WHRN: variants seen among roughly 807,000 people sequenced by gnomAD.
WHRN encodes whirlin.
Under a neutral mutation model 68.3 loss-of-function variants are expected in WHRN, and 41 were observed. That is an observed-to-expected ratio of 0.60 (90% CI 0.47 to 0.78). The LOEUF (loss-of-function observed/expected upper bound fraction) is 0.78, where lower values mean the gene tolerates loss of function less well. Ranked by LOEUF, WHRN falls within the 30% of genes least tolerant of loss-of-function variation. WHRN has a pLI of 0.00. For missense variants in WHRN, 1,243 were observed against 1,244.7 expected (o/e 1.00, Z 0.02); for synonymous variants, 560 against 561.3 (o/e 1.00, Z 0.03).
intron 8 of WHRN, 131 bp from the exon 9 acceptor site, chr9:114,407,023 G>T: frequency 9.8e-7 from 1 of 1,015,874 alleles, no homozygotes; most frequent in Non-Finnish European, 1.5e-6. Flanking sequence ...TGGCCACACT[G>T]CTCTGAATAA....
chr9:114,496,166 C>T (rs1037256311), intron 1 of WHRN, among the ~76,000 whole-genome samples: 3 of 152,114 alleles, frequency 2.0e-5, no homozygotes, highest in Admixed American at 2.0e-4. Flanking sequence ...CCTGGGGAGG[C>T]CATCAGGGAA....
At chr9:114,406,169 A>G (rs1432049933) in intron 9 of WHRN, among the ~76,000 whole-genome samples, 186 bp downstream of exon 9, 1 of 152,066 alleles carries the variant, frequency 6.6e-6, no homozygotes, top group East Asian at 1.9e-4. Context: ...CAGCTTGTCC[A>G]CAGTCACACA....
intron 2 of WHRN, among the ~76,000 whole-genome samples, chr9:114,473,282 C>T (rs1014718292): frequency 6.6e-5 from 10 of 152,212 alleles, no homozygotes; most frequent in Admixed American, 2.6e-4. Context: ...ATCATTCCTC[C>T]GAGCAGATTC....
chr9:114,488,900 A>G (rs1842746872), intron 1 of WHRN, among the ~76,000 whole-genome samples: 1 of 152,086 alleles, frequency 6.6e-6, no homozygotes, highest in African/African-American at 2.4e-5. Flanking sequence ...GAATCCTTAT[A>G]AAACATACGT....
At chr9:114,460,788 A>C (rs1389701865) in intron 3 of WHRN, among the ~76,000 whole-genome samples, 1 of 152,258 alleles carries the variant, frequency 6.6e-6, no homozygotes, top group Non-Finnish European at 1.5e-5. Flanking sequence ...AGCAAAAGGC[A>C]CATTTTCTCT....
intron 3 of WHRN, among the ~76,000 whole-genome samples, chr9:114,429,955 C>T (rs987523558): frequency 6.6e-6 from 1 of 152,238 alleles, no homozygotes; most frequent in African/African-American, 2.4e-5. Flanking sequence ...TCTCCATTTC[C>T]ACCTGCTGCT....
intron 3 of WHRN, among the ~76,000 whole-genome samples, chr9:114,452,421 G>A (rs138875122): frequency 2.0e-4 from 30 of 152,348 alleles, no homozygotes; most frequent in African/African-American, 6.5e-4. Flanking sequence ...GGCTAACAAG[G>A]ACAGCACCTG....
At chr9:114,427,407 G>A (rs921323204) in intron 3 of WHRN, among the ~76,000 whole-genome samples, 1 of 152,192 alleles carries the variant, frequency 6.6e-6, no homozygotes, top group East Asian at 1.9e-4. Flanking sequence ...TAAACTCGGG[G>A]TTCCTTTCAC....
intron 3 of WHRN, among the ~76,000 whole-genome samples, chr9:114,431,090 G>T (rs1363586018): frequency 1.3e-5 from 2 of 152,166 alleles, no homozygotes; most frequent in Admixed American, 1.3e-4. Flanking sequence ...CTTCTCTGCT[G>T]CTAGTGTCCT....
intron 7 of WHRN, among the ~76,000 whole-genome samples, chr9:114,413,039 A>G (rs1268901045): frequency 6.6e-6 from 1 of 152,060 alleles, no homozygotes. Flanking sequence ...GGGTCCCCCA[A>G]CTCCCATCCC....
intron 7 of WHRN, among the ~76,000 whole-genome samples, chr9:114,417,988 T>C (rs1349679997): frequency 6.6e-6 from 1 of 152,186 alleles, no homozygotes; most frequent in Admixed American, 6.5e-5. Context: ...GAGAGCACAC[T>C]GCCTGGGAGA....
chr9:114,493,356 T>TAA (rs36083160), intron 1 of WHRN, among the ~76,000 whole-genome samples: 6 of 84,302 alleles, frequency 7.1e-5, no homozygotes, highest in African/African-American at 2.8e-4. Flanking sequence ...ATCTTTTTTT[T>TAA]AAAAAAAAAA....
intron 1 of WHRN, among the ~76,000 whole-genome samples, chr9:114,492,487 C>T (rs1313751965): frequency 2.7e-4 from 41 of 152,208 alleles, no homozygotes; most frequent in Non-Finnish European, 1.5e-4. Context: ...ACACAGTCAT[C>T]ATACATCGCT....
At chr9:114,495,969 C>T (rs1843421903) in intron 1 of WHRN, among the ~76,000 whole-genome samples, 2 of 152,158 alleles carry the variant, frequency 1.3e-5, no homozygotes, top group Non-Finnish European at 2.9e-5. Context: ...AGCTGGACCA[C>T]GTTTCTTTTC....
chr9:114,420,624 G>A (rs1836199613), intron 7 of WHRN, among the ~76,000 whole-genome samples: 1 of 152,166 alleles, frequency 6.6e-6, no homozygotes, highest in Non-Finnish European at 1.5e-5. Context: ...GGGTACCTGG[G>A]TGGGATGAAG....
intron 2 of WHRN, among the ~76,000 whole-genome samples, chr9:114,472,624 A>G (rs527691036): frequency 9.9e-5 from 15 of 152,130 alleles, no homozygotes; most frequent in Non-Finnish European, 1.5e-5. Flanking sequence ...GTCCCCCCAC[A>G]ACACACTAGA....
rs1842329953 is a variant in WHRN at position 114,484,452 on chromosome 9, C to T, written c.619-5681G>A. On this transcript the variant is annotated intron_variant, in intron 1 of 11. Transcript: ENST00000362057. The stretch of plus-strand genomic sequence containing the variant: ...TTCTCTCCTGCAAAATGAAGATCAC[C>T]ATTCTCCTTTCTCTTTACTTAGAGG... 2.0e-5 allele frequency among the ~76,000 whole-genome samples: 3 copies of T among 152,324 alleles called. No homozygotes were observed. The South Asian group carries it at 6.2e-4, about 32-fold the overall frequency.
At chr9:114,450,782 A>G (rs1839250863) in intron 3 of WHRN, among the ~76,000 whole-genome samples, 1 of 152,006 alleles carries the variant, frequency 6.6e-6, no homozygotes. Flanking sequence ...GCCCCGGCAC[A>G]CAGTAGGTGT....
chr9:114,478,546 C>A lies in WHRN; in HGVS notation c.837+7G>T. The A allele has an allele frequency of 6.2e-7, 1 of 1,614,146 alleles. No individual in the cohort carries two copies. The highest frequency in any genetic ancestry group is 8.5e-7 in the Non-Finnish European group (1 of 1,179,988). On this transcript the variant is annotated splice_region_variant and intron_variant, in intron 2 of 11. Coordinates refer to ENST00000362057, the MANE Select transcript of WHRN (RefSeq NM_015404.4). ...AGAGGCTGGCCTCCTTTCCCCACCCCACTCACCTTTTTCTCATCCCCTCCT... is the reference window on the plus strand; with the variant it reads ...AGAGGCTGGCCTCCTTTCCCCACCCAACTCACCTTTTTCTCATCCCCTCCT...
Sources: allele counts gnomAD v4.1 joint callset (sites outside exome capture counted in the v4.1 genomes callset), GRCh38; gene constraint gnomAD v4.1.1; transcripts MANE v1.5; gene names NCBI Gene and HGNC (gene_info 2026-07-23, HGNC 2026-07-21).